SQOR: variants seen among roughly 807,000 people sequenced by gnomAD.
The protein encoded by SQOR is sulfide quinone oxidoreductase.
SQOR carries 39 observed loss-of-function variants against 48.6 expected under a neutral mutation model. The ratio of observed to expected loss-of-function variants is 0.80; its 90% CI spans 0.62 to 1.05. SQOR has a LOEUF of 1.05. SQOR is among the 50% of genes least tolerant of loss of function. SQOR has a pLI of 0.00. For missense variants in SQOR, 561 were observed against 559.9 expected (o/e 1.00, Z -0.02); for synonymous variants, 220 against 206.2 (o/e 1.07, Z -0.57).
intron 1 of SQOR, among the ~76,000 whole-genome samples, chr15:45,651,930 C>T (rs1024796645): frequency 6.6e-6 from 1 of 151,592 alleles, no homozygotes; most frequent in African/African-American, 2.4e-5. Context: ...ACTCTGTTGC[C>T]CAGGCTGGAG....
At chr15:45,687,806 A>G (rs1173824577) in intron 7 of SQOR, among the ~76,000 whole-genome samples, 1 of 152,148 alleles carries the variant, frequency 6.6e-6, no homozygotes, top group Non-Finnish European at 1.5e-5. Context: ...GTAGATCTAT[A>G]TATCTGTATC....
intron 6 of SQOR, among the ~76,000 whole-genome samples, chr15:45,678,197 G>C (rs147485746): frequency 1.3e-5 from 2 of 152,306 alleles, no homozygotes; most frequent in African/African-American, 4.8e-5. Flanking sequence ...TAAGAAGTCT[G>C]TGGGAAGACA....
intron 4 of SQOR, among the ~76,000 whole-genome samples, chr15:45,671,643 G>T (rs1317495097): frequency 6.6e-6 from 1 of 152,206 alleles, no homozygotes; most frequent in Non-Finnish European, 1.5e-5. Context: ...GATCATTGAT[G>T]AAAATACTGA....
In SQOR at chr15:45,673,725, C is replaced by T; in HGVS notation, c.578C>T (p.Thr193Ile). The change falls in exon 5 of 10, where the codon ACC (threonine) becomes ATC (isoleucine). Residue 193 changes from threonine (T) to isoleucine (I), a missense_variant. Thr to Ile is a moderately conservative substitution (Grantham distance 89, BLOSUM62 -1). Coordinates refer to ENST00000260324, the MANE Select transcript of SQOR (RefSeq NM_021199.4). The part of the protein sequence containing the change: ...QDFKEGNAIF[T>I]FPNTPVKCAG... Reference sequence around the variant, plus strand: ...TTCAAAGAGGGCAATGCCATCTTCACCTTCCCAAATACTCCAGTGAAGTGT... The same window carrying T: ...TTCAAAGAGGGCAATGCCATCTTCATCTTCCCAAATACTCCAGTGAAGTGT... The T allele has an allele frequency of 3.1e-6, 5 of 1,614,182 alleles. No homozygotes were observed. Among genetic ancestry groups the T allele is most frequent in the Non-Finnish European group, 3.4e-6 (4 of 1,180,040 alleles).
intron 3 of SQOR, among the ~76,000 whole-genome samples, chr15:45,664,503 C>G (rs1462928690): frequency 6.6e-6 from 1 of 152,110 alleles, no homozygotes; most frequent in African/African-American, 2.4e-5. Context: ...CCAGCCCCCT[C>G]TTTATTCTGC....
chr15:45,651,367 G>A (rs935222795), intron 1 of SQOR, among the ~76,000 whole-genome samples: 3 of 151,976 alleles, frequency 2.0e-5, no homozygotes, highest in African/African-American at 7.2e-5. Context: ...TGGCAGCCCC[G>A]GTTCCCGCCC....
intron 6 of SQOR, among the ~76,000 whole-genome samples, chr15:45,681,087 G>A (rs575465664): frequency 6.6e-6 from 1 of 152,114 alleles, no homozygotes; most frequent in East Asian, 1.9e-4. Context: ...GGGTGTGGTG[G>A]TGCGTGCCTC....
At chr15:45,662,455 T>A (rs1192770703) in intron 3 of SQOR, among the ~76,000 whole-genome samples, 1 of 152,204 alleles carries the variant, frequency 6.6e-6, no homozygotes, top group Non-Finnish European at 1.5e-5. Flanking sequence ...AGCAAGCACC[T>A]TCCTCCTTCT....
At chr15:45,658,195 T>G (rs1186885967) in intron 1 of SQOR, among the ~76,000 whole-genome samples, 1 of 152,200 alleles carries the variant, frequency 6.6e-6, no homozygotes, top group Non-Finnish European at 1.5e-5. Context: ...AAATATAACT[T>G]TATGATACCA....
rs771589438 is a variant in SQOR, at chr15:45,691,163, G to A, written c.*133G>A. ...CCTTGATGGGTAATGGTGACCAAAT[G>A]CCTCCCTTTTCAGTACCTTTGAACA... On this transcript the variant is annotated 3_prime_UTR_variant, in exon 10 of 10. Coordinates refer to ENST00000260324, the MANE Select transcript of SQOR (RefSeq NM_021199.4). The A allele has an allele frequency of 2.5e-5, 19 of 774,982 alleles. No individual in the cohort carries two copies. Among genetic ancestry groups the A allele is most frequent in the Non-Finnish European group, 3.9e-5 (17 of 435,958 alleles). The allele number at this position is 774,982 out of a possible 1,614,324, so 48.0% of individuals were successfully genotyped here.
intron 6 of SQOR, among the ~76,000 whole-genome samples, chr15:45,681,520 G>A (rs1890127206): frequency 6.6e-6 from 1 of 151,990 alleles, no homozygotes; most frequent in Non-Finnish European, 1.5e-5. Context: ...GAGGGCATGG[G>A]AACATTGGAC....
At chr15:45,677,820 C>T (rs1480723658) in intron 6 of SQOR, among the ~76,000 whole-genome samples, 6 of 152,224 alleles carry the variant, frequency 3.9e-5, no homozygotes, top group Non-Finnish European at 5.9e-5. Context: ...CTTGCCTCAG[C>T]TTCATGAGTA....
intron 1 of SQOR, among the ~76,000 whole-genome samples, chr15:45,637,892 A>G (rs1461498860): frequency 1.3e-5 from 2 of 152,184 alleles, no homozygotes; most frequent in African/African-American, 2.4e-5. Flanking sequence ...CTGCTCCACT[A>G]TCTACTATAT....
chr15:45,663,468 C>T (rs1261663058), intron 3 of SQOR, among the ~76,000 whole-genome samples: 1 of 152,088 alleles, frequency 6.6e-6, no homozygotes, highest in African/African-American at 2.4e-5. Flanking sequence ...GGACCCTGAT[C>T]AAGAGTACCT....
At position 45,635,101 on chromosome 15, in the gene SQOR, A is replaced by T. The variant is rs1378934519; in HGVS notation, c.-25A>T. ...AACGCAGTGACCGAAGGCTCCGCTCACGCCCGGGTAAGAGGCATCCGCGGC... is the reference window on the plus strand; with the variant it reads ...AACGCAGTGACCGAAGGCTCCGCTCTCGCCCGGGTAAGAGGCATCCGCGGC... On this transcript the variant is annotated 5_prime_UTR_variant, in exon 1 of 10. Transcript: ENST00000260324. 2 of 152,304 alleles carry T rather than the reference A, an allele frequency of 1.3e-5. No individual in the cohort carries two copies. The highest frequency in any genetic ancestry group is 2.9e-5 in the Non-Finnish European group (2 of 68,122). The allele number at this position is 152,304 out of a possible 1,614,324, so 9.4% of individuals were successfully genotyped here.
At chr15:45,680,992 T>G (rs769122784) in intron 6 of SQOR, among the ~76,000 whole-genome samples, 91 of 151,826 alleles carry the variant, frequency 6.0e-4, no homozygotes, top group Non-Finnish European at 1.2e-3. Context: ...GTGGATTGCT[T>G]GAGCCCAGGA....
At chr15:45,672,394 G>C (rs927897707) in intron 4 of SQOR, among the ~76,000 whole-genome samples, 2 of 152,102 alleles carry the variant, frequency 1.3e-5, no homozygotes, top group Non-Finnish European at 2.9e-5. Context: ...TTATTATTGA[G>C]ACTGCCAATG....
At chr15:45,651,450 C>G (rs1023770020) in intron 1 of SQOR, among the ~76,000 whole-genome samples, 1 of 152,234 alleles carries the variant, frequency 6.6e-6, no homozygotes, top group Non-Finnish European at 1.5e-5. Context: ...TAGAGGGGCC[C>G]CCACAGCGCA....
At chr15:45,650,433 G>A (rs1370134725) in intron 1 of SQOR, among the ~76,000 whole-genome samples, 3 of 152,194 alleles carry the variant, frequency 2.0e-5, no homozygotes, top group African/African-American at 4.8e-5. Flanking sequence ...TGGCTCAGGA[G>A]TGAAGCTGCA....
Sources: gnomAD v4.1 joint callset for allele counts (sites outside exome capture counted in the v4.1 genomes callset) on GRCh38, gnomAD v4.1.1 for gene constraint, MANE v1.5 for transcripts, NCBI Gene and HGNC (gene_info 2026-07-23, HGNC 2026-07-21) for gene names.